The following WDPCP variants were observed in gnomAD, a reference collection of about 807,000 sequenced individuals.
WDPCP encodes the protein WD repeat containing planar cell polarity effector.
WDPCP carries 71 observed loss-of-function variants against 93.1 expected under a neutral mutation model. That is an observed-to-expected ratio of 0.76 (90% CI 0.63 to 0.93). WDPCP has a LOEUF of 0.93. Ranked by LOEUF, WDPCP falls within the 40% of genes least tolerant of loss-of-function variation. The pLI is 0.00. For missense variants in WDPCP, 844 were observed against 887.4 expected (o/e 0.95, Z 0.62); for synonymous variants, 315 against 315.0 (o/e 1.00, Z 0.00).
chr2:63,450,247 A>G (rs897180694), intron 6 of WDPCP, among the ~76,000 whole-genome samples: 2 of 152,132 alleles, frequency 1.3e-5, no homozygotes, highest in Non-Finnish European at 2.9e-5. Context: ...TGAGTCCCCA[A>G]CAGTGGAATG....
At chr2:63,605,969 G>T in intron 3 of WDPCP, 1 of 1,614,158 alleles carries the variant, frequency 6.2e-7, no homozygotes, top group Non-Finnish European at 8.5e-7. Context: ...TGTTATCTCT[G>T]ATGGCAACTC....
At chr2:63,618,721 G>A (rs558426080) in intron 3 of WDPCP, among the ~76,000 whole-genome samples, 32 of 145,188 alleles carry the variant, frequency 2.2e-4, no homozygotes, top group East Asian at 2.2e-3. Context: ...ACAGAGTTTC[G>A]CTCTTGTTGC....
chr2:63,415,757 T>C (rs549215333), intron 9 of WDPCP, among the ~76,000 whole-genome samples: 1 of 152,260 alleles, frequency 6.6e-6, no homozygotes, highest in Admixed American at 6.5e-5. Context: ...CTGGGAACCT[T>C]AAGTGAGGCT....
At chr2:63,277,146 A>AAGAT (rs1683146368) in intron 13 of WDPCP, among the ~76,000 whole-genome samples, 1 of 152,200 alleles carries the variant, frequency 6.6e-6, no homozygotes, top group Non-Finnish European at 1.5e-5. Context: ...AAATGAAGAA[A>AAGAT]AGATACAGTC....
intron 13 of WDPCP, among the ~76,000 whole-genome samples, chr2:63,296,501 A>G (rs1684869018): frequency 6.6e-6 from 1 of 152,248 alleles, no homozygotes. Context: ...AGAGTAGTCA[A>G]ACTATCTCTA....
intron 17 of WDPCP, among the ~76,000 whole-genome samples, chr2:63,130,154 C>A (rs1670196775): frequency 6.6e-6 from 1 of 151,964 alleles, no homozygotes; most frequent in African/African-American, 2.4e-5. Flanking sequence ...GTTTTTATTG[C>A]CTGTACTTTT....
intron 14 of WDPCP, among the ~76,000 whole-genome samples, chr2:63,222,467 C>G (rs1677924445): frequency 6.6e-6 from 1 of 152,216 alleles, no homozygotes; most frequent in Non-Finnish European, 1.5e-5. Flanking sequence ...GTTTGTTTAT[C>G]ATGTCAAGCA....
At chr2:63,781,447 A>G (rs756619391) in intron 2 of WDPCP, among the ~76,000 whole-genome samples, 11 of 152,150 alleles carry the variant, frequency 7.2e-5, no homozygotes, top group African/African-American at 2.7e-4. Context: ...TATTTCATTC[A>G]TTTTTGAGAA....
At chr2:63,346,127 C>T (rs1329358587) in intron 12 of WDPCP, among the ~76,000 whole-genome samples, 18 of 152,132 alleles carry the variant, frequency 1.2e-4, no homozygotes. Context: ...TAACACCTTA[C>T]TGAGGAGCCC....
rs535314132 is a variant in WDPCP, at chr2:63,622,573, C to A, written n.488+28086G>T. 113 of 1,613,868 alleles carry A rather than the reference C, an allele frequency of 7.0e-5. 2 individuals carry two copies. The African/African-American group carries it at 1.1e-3, about 16-fold the overall frequency. On this transcript the variant is annotated intron_variant and non_coding_transcript_variant, in intron 3 of 4. Coordinates refer to the WDPCP transcript ENST00000467687. ...GTAGTCATGGTCTGATTCTGTGGGT[C>A]CACAATAGAGTCCTCCAGGATGTAC...
chr2:63,839,142 T>C, the WDPCP span, among the ~76,000 whole-genome samples: 1 of 152,206 alleles, frequency 6.6e-6, no homozygotes. Context: ...CACTCATAAA[T>C]CAAGATGCCA....
chr2:63,606,999 T>G, intron 3 of WDPCP: 1 of 1,604,638 alleles, frequency 6.2e-7, no homozygotes, highest in African/African-American at 1.3e-5. Flanking sequence ...TAGACAATGA[T>G]GTTACTAAAT....
At chr2:63,644,740 G>A (rs1710029095) in intron 3 of WDPCP, among the ~76,000 whole-genome samples, 1 of 152,126 alleles carries the variant, frequency 6.6e-6, no homozygotes, top group African/African-American at 2.4e-5. Context: ...ATCTTGGTAT[G>A]TGGTATGCAT....
chr2:63,188,677 T>A (rs1020037764), intron 14 of WDPCP, among the ~76,000 whole-genome samples: 10 of 152,138 alleles, frequency 6.6e-5, no homozygotes, highest in Admixed American at 1.3e-4. Context: ...ATATTCTTAT[T>A]TTGTTCATGC....
At chr2:63,485,582 C>T (rs1217097465) in intron 4 of WDPCP, among the ~76,000 whole-genome samples, 1 of 151,590 alleles carries the variant, frequency 6.6e-6, no homozygotes. Context: ...AAAGTATACA[C>T]CACAATTGAA....
intron 12 of WDPCP, 68 bp downstream of exon 12, chr2:63,378,318 A>C (rs1558542454): frequency 2.5e-6 from 4 of 1,603,604 alleles, no homozygotes. Flanking sequence ...GGAATATTTT[A>C]ATTAAAGAGG....
At chr2:63,571,808 T>A (rs1707526427) in intron 1 of WDPCP, among the ~76,000 whole-genome samples, 1 of 152,232 alleles carries the variant, frequency 6.6e-6, no homozygotes, top group Admixed American at 6.5e-5. Context: ...CATAAATTAA[T>A]TCATGTAGTC....
At chr2:63,502,282 C>T (rs556586999) in intron 1 of WDPCP, among the ~76,000 whole-genome samples, 9 of 152,280 alleles carry the variant, frequency 5.9e-5, no homozygotes, top group African/African-American at 2.2e-4. Context: ...GAATAGTGAC[C>T]ATAATTGACT....
At chr2:63,340,100 T>G (rs552667750) in intron 12 of WDPCP, among the ~76,000 whole-genome samples, 1 of 152,298 alleles carries the variant, frequency 6.6e-6, no homozygotes, top group East Asian at 1.9e-4. Context: ...CATTGAAGGA[T>G]TATTCATTCC....
Sources: gnomAD v4.1 joint callset for allele counts (sites outside exome capture counted in the v4.1 genomes callset) on GRCh38, gnomAD v4.1.1 for gene constraint, MANE v1.5 for transcripts, NCBI Gene and HGNC (gene_info 2026-07-23, HGNC 2026-07-21) for gene names.